NUDT4: variants seen among roughly 807,000 people sequenced by gnomAD.
The protein encoded by NUDT4 is diphosphoinositol polyphosphate phosphohydrolase 2.
Under a neutral mutation model 23.1 loss-of-function variants are expected in NUDT4, and 5 were observed. The observed-to-expected ratio is 0.22, with a 90% CI of 0.11 to 0.46. NUDT4 has a LOEUF of 0.46. Among genes scored for constraint, NUDT4 ranks in the 20% least tolerant of loss-of-function variants. NUDT4 has a pLI of 0.99. For missense variants in NUDT4, 96 were observed against 211.6 expected (o/e 0.45, Z 3.39); for synonymous variants, 50 against 79.0 (o/e 0.63, Z 1.95).
At chr12:93,398,367 A>G (rs1418077729) in intron 3 of NUDT4, among the ~76,000 whole-genome samples, 1 of 150,038 alleles carries the variant, frequency 6.7e-6, no homozygotes, top group East Asian at 1.9e-4. Flanking sequence ...AAAGAAAAGA[A>G]CATCAGATAT....
At chr12:93,378,488 C>T (rs1449220559) in intron 1 of NUDT4, 67 bp downstream of exon 1, 5 of 1,410,438 alleles carry the variant, frequency 3.5e-6, no homozygotes, top group South Asian at 1.4e-5. Context: ...TGCTTCCCCT[C>T]GCTCCCCGCC....
rs576716813 is a variant in NUDT4, at chr12:93,387,400, C to T, written c.100-7209C>T. Among the ~76,000 whole-genome samples, 34 of 152,304 alleles carry T rather than the reference C, an allele frequency of 2.2e-4. 1 individual carries two copies. Among genetic ancestry groups the T allele is most frequent in the African/African-American group, 7.9e-4 (33 of 41,558 alleles). ...TGTAATTCTTGAGTTCCTGATAGTT[C>T]TGGAGTGACAGTACTCCACTACGGT... On this transcript the variant is annotated intron_variant, in intron 1 of 4. Coordinates refer to ENST00000415493, the MANE Select transcript of NUDT4 (RefSeq NM_019094.6).
chr12:93,378,547 C>T (rs1025288510), intron 1 of NUDT4, 126 bp downstream of exon 1: 5 of 1,310,450 alleles, frequency 3.8e-6, no homozygotes, highest in Non-Finnish European at 3.9e-6. Context: ...TCCTCCCTCC[C>T]TCCTTTCCTC....
intron 1 of NUDT4, among the ~76,000 whole-genome samples, chr12:93,390,095 A>G (rs1001975900): frequency 3.3e-5 from 5 of 152,146 alleles, no homozygotes; most frequent in Non-Finnish European, 7.3e-5. Context: ...AATATGGATG[A>G]TTTTGAACTC....
intron 1 of NUDT4, chr12:93,378,932 A>G (rs1875423810): frequency 3.2e-6 from 1 of 316,290 alleles, no homozygotes; most frequent in Non-Finnish European, 4.6e-6. Flanking sequence ...TAGTCTTGGC[A>G]ATTCTTGTGG....
In NUDT4 at chr12:93,406,750, G is replaced by C. The variant is rs1388611133; in HGVS notation, c.*7371G>C. On this transcript the variant is annotated 3_prime_UTR_variant, in exon 5 of 5. Transcript: ENST00000415493. ...TAACATAAGCGGGAGGATTTGTGTA[G>C]ATTGTATGCATATACAACATCATTT... 1.3e-5 allele frequency: 2 copies of C among 152,176 alleles called. No homozygotes were observed. Among genetic ancestry groups the C allele is most frequent in the African/African-American group, 2.4e-5 (1 of 41,426 alleles). 9.4% of individuals were successfully genotyped at this position (152,176 alleles called of 1,614,324 possible).
chr12:93,386,905 G>GA lies in NUDT4; in HGVS notation c.100-7700dup, dbSNP rs541087414. Among the ~76,000 whole-genome samples, 17 of 151,970 alleles carry GA rather than the reference G, an allele frequency of 1.1e-4. 1 individual carries two copies. The highest frequency in any genetic ancestry group is 4.4e-5 in the Non-Finnish European group (3 of 67,998). ...ACCTTCTTATTAATTTTGGCCTCTG[G>GA]AAAACAATACTGAATGAACTCTGAT... On this transcript the variant is annotated intron_variant, in intron 1 of 4. Coordinates refer to ENST00000415493, the MANE Select transcript of NUDT4 (RefSeq NM_019094.6).
At position 93,399,431 on chromosome 12, in the gene NUDT4, T is replaced by TACC; in HGVS notation, c.*52_*53insACC. On this transcript the variant is annotated 3_prime_UTR_variant, in exon 5 of 5. Coordinates refer to ENST00000415493, the MANE Select transcript of NUDT4 (RefSeq NM_019094.6). ...ATGTGCAGTCTCATGGGGAGAGGCT[T>TACC]CTTTCGTTTCCTCGTCAAACATCTG... is the stretch of plus-strand genomic sequence containing the variant. 2.8e-5 allele frequency: 14 copies of TACC among 497,132 alleles called. No individual in the cohort carries two copies. Among genetic ancestry groups the TACC allele is most frequent in the Non-Finnish European group, 4.1e-5 (12 of 289,374 alleles). The allele number at this position is 497,132 out of a possible 1,614,324, so 30.8% of individuals were successfully genotyped here. A position where few individuals can be genotyped will look rare whatever the true frequency, so the allele number is the denominator to read the frequency against.
chr12:93,408,012 C>T lies in NUDT4; in HGVS notation c.*8633C>T, dbSNP rs1253361532. On this transcript the variant is annotated 3_prime_UTR_variant, in exon 5 of 5. Coordinates refer to ENST00000415493, the MANE Select transcript of NUDT4 (RefSeq NM_019094.6). ...TTCTATAACTCACAAATTTAGCAGA[C>T]ATCATTTAGACATTTTTGTAGTGCA... 6.6e-6 allele frequency: 1 copy of T among 152,184 alleles called. No individual in the cohort carries two copies. The highest frequency in any genetic ancestry group is 1.5e-5 in the Non-Finnish European group (1 of 68,026). The allele number at this position is 152,184 out of a possible 1,614,324, so 9.4% of individuals were successfully genotyped here. A position where few individuals can be genotyped will look rare whatever the true frequency, so the allele number is the denominator to read the frequency against.
rs1289211593 is a variant in NUDT4, at chr12:93,405,931, A to G, written c.*6552A>G. Reference sequence around the variant, plus strand: ...TATCATGGTATTTTCTTTTTTGGCCAGCTTTTCTAGATAAGGTTGTATTGC... The same window carrying G: ...TATCATGGTATTTTCTTTTTTGGCCGGCTTTTCTAGATAAGGTTGTATTGC... On this transcript the variant is annotated 3_prime_UTR_variant, in exon 5 of 5. Coordinates refer to ENST00000415493, the MANE Select transcript of NUDT4 (RefSeq NM_019094.6). The G allele has an allele frequency of 2.0e-5, 3 of 152,102 alleles. No homozygotes were observed. Among genetic ancestry groups the G allele is most frequent in the African/African-American group, 7.2e-5 (3 of 41,412 alleles). 9.4% of individuals were successfully genotyped at this position (152,102 alleles called of 1,614,324 possible).
At chr12:93,387,965 A>AC (rs370580826) in intron 1 of NUDT4, among the ~76,000 whole-genome samples, 64 of 151,382 alleles carry the variant, frequency 4.2e-4, no homozygotes, top group African/African-American at 1.6e-3. Context: ...CCCCACCACC[A>AC]CCCCCCCAGA....
At chr12:93,392,449 G>A (rs899442171) in intron 1 of NUDT4, among the ~76,000 whole-genome samples, 1 of 150,850 alleles carries the variant, frequency 6.6e-6, no homozygotes, top group Non-Finnish European at 1.5e-5. Context: ...TAGAGATGGG[G>A]TTTCACCATG....
rs752372876 is a variant in NUDT4, at chr12:93,378,290, G to GAGCAGC, written c.-18_-13dup. The GAGCAGC allele has an allele frequency of 2.3e-4, 244 of 1,074,516 alleles. 1 individual carries two copies. In the South Asian group the frequency reaches 2.4e-3, roughly 11 times the overall value. 66.6% of individuals were successfully genotyped at this position (1,074,516 alleles called of 1,614,324 possible). A position where few individuals can be genotyped will look rare whatever the true frequency, so the allele number is the denominator to read the frequency against. On this transcript the variant is annotated 5_prime_UTR_variant, in exon 1 of 5. Coordinates refer to ENST00000415493, the MANE Select transcript of NUDT4 (RefSeq NM_019094.6). ...GGCCGGGCCCCCACGGCGGCGGCCGGAGCAGCAGCAGCAGCAGCAGGAGCC... is the reference window on the plus strand; with the variant it reads ...GGCCGGGCCCCCACGGCGGCGGCCGGAGCAGCAGCAGCAGCAGCAGCAGCAGGAGCC...
In NUDT4 at chr12:93,403,697, A is replaced by C. The variant is rs189123412; in HGVS notation, c.*4318A>C. The C allele has an allele frequency of 6.6e-6, 1 of 152,158 alleles. No individual in the cohort carries two copies. The highest frequency in any genetic ancestry group is 1.5e-5 in the Non-Finnish European group (1 of 68,024). 9.4% of individuals were successfully genotyped at this position (152,158 alleles called of 1,614,324 possible). ...ATCTATAGACTTATACCATCTTCAAAAGCAATACAATTTTATTTGTAGACG... is the reference window on the plus strand; with the variant it reads ...ATCTATAGACTTATACCATCTTCAACAGCAATACAATTTTATTTGTAGACG... On this transcript the variant is annotated 3_prime_UTR_variant, in exon 5 of 5. Transcript: ENST00000415493.
intron 1 of NUDT4, among the ~76,000 whole-genome samples, chr12:93,392,351 G>A (rs1055132984): frequency 2.7e-5 from 4 of 146,790 alleles, no homozygotes; most frequent in Non-Finnish European, 6.0e-5. Context: ...CGCCTCCCAG[G>A]TTCAAGTGAT....
Position 93,405,752 on chromosome 12 carries a change from CTTT to C in NUDT4, c.*6376_*6378del, listed in dbSNP as rs1334054741. ...AAATTATTACATTCAGCATGTTTTG[CTTT>C]TTATGTTATTTAAAGTATAAACCCT... On this transcript the variant is annotated 3_prime_UTR_variant, in exon 5 of 5. Transcript: ENST00000415493. 1 of 152,138 alleles carries C rather than the reference CTTT, an allele frequency of 6.6e-6. No individual in the cohort carries two copies. Among genetic ancestry groups the C allele is most frequent in the African/African-American group, 2.4e-5 (1 of 41,430 alleles). The allele number at this position is 152,138 out of a possible 1,614,324, so 9.4% of individuals were successfully genotyped here.
rs1475603497 is a variant in NUDT4, at chr12:93,381,030, CAGTA to C, written c.99+2613_99+2616del. 3 of 152,182 alleles carry C rather than the reference CAGTA, an allele frequency of 2.0e-5. 1 individual carries two copies. The allele number at this position is 152,182 out of a possible 1,614,324, so 9.4% of individuals were successfully genotyped here. On this transcript the variant is annotated intron_variant, in intron 1 of 4. Transcript: ENST00000415493. ...CTGGCTGTTCCTGTACTGAAGTTCT[CAGTA>C]AGTTTCTACTTTAAAACAGATTGTT... is the stretch of plus-strand genomic sequence containing the variant.
At chr12:93,380,537 G>C (rs1263692909) in intron 1 of NUDT4, among the ~76,000 whole-genome samples, 1 of 152,172 alleles carries the variant, frequency 6.6e-6, no homozygotes, top group Non-Finnish European at 1.5e-5. Context: ...ATAACCTGTA[G>C]GTTGAGAATT....
rs1877637066 is a variant in NUDT4 at position 93,403,797 on chromosome 12, TGCTAC to T, written c.*4419_*4423del. 6.6e-6 allele frequency: 1 copy of T among 152,238 alleles called. No individual in the cohort carries two copies. Among genetic ancestry groups the T allele is most frequent in the African/African-American group, 2.4e-5 (1 of 41,452 alleles). 9.4% of individuals were successfully genotyped at this position (152,238 alleles called of 1,614,324 possible). A position where few individuals can be genotyped will look rare whatever the true frequency, so the allele number is the denominator to read the frequency against. On this transcript the variant is annotated 3_prime_UTR_variant, in exon 5 of 5. Transcript: ENST00000415493. ...AGGATGAAAAGTAATCTATCGCTGG[TGCTAC>T]TTTAATACCTTCCTGACTGGTGCCA...
Sources: allele counts gnomAD v4.1 joint callset (sites outside exome capture counted in the v4.1 genomes callset), GRCh38; gene constraint gnomAD v4.1.1; transcripts MANE v1.5; gene names NCBI Gene and HGNC (gene_info 2026-07-23, HGNC 2026-07-21).